INPP5B: variants seen among roughly 807,000 people sequenced by gnomAD.
INPP5B encodes the protein inositol polyphosphate-5-phosphatase B.
INPP5B carries 90 observed loss-of-function variants against 118.5 expected under a neutral mutation model. The observed-to-expected ratio is 0.76, with a 90% CI of 0.64 to 0.90. The LOEUF (loss-of-function observed/expected upper bound fraction) is 0.90, where lower values mean the gene tolerates loss of function less well. Ranked by LOEUF, INPP5B falls within the 40% of genes least tolerant of loss-of-function variation. INPP5B has a pLI of 0.00. For missense variants in INPP5B, 984 were observed against 1,125.6 expected (o/e 0.87, Z 1.80); for synonymous variants, 385 against 418.9 (o/e 0.92, Z 0.99).
chr1:37,943,258 T>C (rs1389965842), intron 5 of INPP5B, among the ~76,000 whole-genome samples: 1 of 152,066 alleles, frequency 6.6e-6, no homozygotes, highest in Non-Finnish European at 1.5e-5. Context: ...CCCAAAGTGC[T>C]GGGATTACAG....
At chr1:37,918,891 AT>A (rs1644961207) in intron 7 of INPP5B, among the ~76,000 whole-genome samples, 1 of 152,134 alleles carries the variant, frequency 6.6e-6, no homozygotes, top group South Asian at 2.1e-4. Context: ...GATGACTACC[AT>A]TTATCAAGTA....
At chr1:37,915,217 T>C (rs1644825389) in intron 7 of INPP5B, among the ~76,000 whole-genome samples, 2 of 152,164 alleles carry the variant, frequency 1.3e-5, no homozygotes, top group South Asian at 4.1e-4. Flanking sequence ...CCACAAGCCC[T>C]TATCTGAAGC....
intron 7 of INPP5B, among the ~76,000 whole-genome samples, chr1:37,892,464 TA>T: frequency 6.6e-6 from 1 of 152,156 alleles, no homozygotes; most frequent in East Asian, 1.9e-4. Flanking sequence ...CTCTGCTCTT[TA>T]AAAGCCAGAT....
intron 9 of INPP5B, among the ~76,000 whole-genome samples, chr1:37,889,095 T>C (rs1214622184): frequency 6.6e-6 from 1 of 152,094 alleles, no homozygotes; most frequent in Non-Finnish European, 1.5e-5. Flanking sequence ...TCTACAAAAA[T>C]TTAAAAATCA....
rs1643601500 is a variant in INPP5B at position 37,887,333 on chromosome 1, C to T, written c.1014+18G>A. On this transcript the variant is annotated intron_variant, in intron 11 of 23. Coordinates refer to ENST00000373024, the MANE Select transcript of INPP5B (RefSeq NM_005540.3). ...GCATGGCAACATAAAATTAAGAGGTCCCTGACTCCTCTCTTACCTTTGCAT... is the reference window on the plus strand; with the variant it reads ...GCATGGCAACATAAAATTAAGAGGTTCCTGACTCCTCTCTTACCTTTGCAT... The T allele has an allele frequency of 7.1e-7, 1 of 1,399,452 alleles. No homozygotes were observed. Among genetic ancestry groups the T allele is most frequent in the African/African-American group, 1.4e-5 (1 of 69,964 alleles). The allele number at this position is 1,399,452 out of a possible 1,614,324, so 86.7% of individuals were successfully genotyped here. A position where few individuals can be genotyped will look rare whatever the true frequency, so the allele number is the denominator to read the frequency against.
At chr1:37,945,934 C>T (rs1646095995) in intron 2 of INPP5B, 84 bp from the exon 3 acceptor site, 1 of 1,253,970 alleles carries the variant, frequency 8.0e-7, no homozygotes, top group African/African-American at 1.5e-5. Context: ...TGTTCCCCTG[C>T]CCCCCCAGAT....
chr1:37,945,217 G>C (rs1247951428), intron 3 of INPP5B, among the ~76,000 whole-genome samples: 1 of 152,176 alleles, frequency 6.6e-6, no homozygotes, highest in Non-Finnish European at 1.5e-5. Context: ...GATAACTTGA[G>C]GTCAGGACTT....
rs185150592 is a variant in INPP5B at position 37,879,420 on chromosome 1, A to T, written c.1541+665T>A. Among the ~76,000 whole-genome samples, 5 of 152,184 alleles carry T rather than the reference A, an allele frequency of 3.3e-5. No individual in the cohort carries two copies. In the East Asian group the frequency reaches 9.7e-4, roughly 29 times the overall value. On this transcript the variant is annotated intron_variant, in intron 15 of 23. Coordinates refer to ENST00000373024, the MANE Select transcript of INPP5B (RefSeq NM_005540.3). Reference sequence around the variant, plus strand: ...TCTCATAAAATGAGGTTAATAAATCATACCTACTTCAACAGGTTCTTGAGG... The same window carrying T: ...TCTCATAAAATGAGGTTAATAAATCTTACCTACTTCAACAGGTTCTTGAGG...
chr1:37,891,267 T>G, intron 8 of INPP5B, 91 bp downstream of exon 8: 1 of 828,540 alleles, frequency 1.2e-6, no homozygotes, highest in Non-Finnish European at 1.9e-6. Flanking sequence ...CCAGCTACCC[T>G]GGGACAACTT....
At chr1:37,942,438 A>C (rs774823814) in intron 5 of INPP5B, among the ~76,000 whole-genome samples, 3 of 152,050 alleles carry the variant, frequency 2.0e-5, no homozygotes, top group African/African-American at 4.8e-5. Context: ...TGTCTCAAAC[A>C]AAAAAGAGAA....
rs1481055845 is a variant in INPP5B at position 37,935,837 on chromosome 1, C to G, written c.392-3784G>C. On this transcript the variant is annotated intron_variant, in intron 6 of 23. Transcript: ENST00000373024. ...ATCCCAGCACTTTGGAAGGCCAAGGCGGGCGGATCACGAGGTCAGGAGATC... is the reference window on the plus strand; with the variant it reads ...ATCCCAGCACTTTGGAAGGCCAAGGGGGGCGGATCACGAGGTCAGGAGATC... 8.6e-5 allele frequency among the ~76,000 whole-genome samples: 13 copies of G among 151,904 alleles called. No individual in the cohort carries two copies. In the East Asian group the frequency reaches 2.4e-3, roughly 27 times the overall value.
intron 7 of INPP5B, among the ~76,000 whole-genome samples, chr1:37,902,799 C>G (rs1356865995): frequency 6.6e-6 from 1 of 151,970 alleles, no homozygotes; most frequent in African/African-American, 2.4e-5. Context: ...CTCAGGCGAT[C>G]GACCCACCTC....
At chr1:37,880,423 T>TTTTATTTA (rs71278742) in intron 14 of INPP5B, among the ~76,000 whole-genome samples, 14,223 of 149,794 alleles carry the variant, frequency 0.095, 768 homozygotes, top group Admixed American at 0.12. Flanking sequence ...GTTTTTAATG[T>TTTTATTTA]TTTATTTATT....
intron 14 of INPP5B, among the ~76,000 whole-genome samples, chr1:37,881,288 G>A (rs914368416): frequency 1.3e-5 from 2 of 152,098 alleles, no homozygotes; most frequent in Admixed American, 6.6e-5. Context: ...TACCTCATAG[G>A]GTCTTTAGAA....
At chr1:37,883,771 C>G in intron 13 of INPP5B, 1 of 985,358 alleles carries the variant, frequency 1.0e-6, no homozygotes, top group Non-Finnish European at 1.2e-6. Context: ...TCCAGAACAC[C>G]AAAATGCTCC....
intron 7 of INPP5B, among the ~76,000 whole-genome samples, chr1:37,894,234 C>CA (rs1165938636): frequency 6.6e-6 from 1 of 152,162 alleles, no homozygotes; most frequent in Non-Finnish European, 1.5e-5. Context: ...TGCACTTCAC[C>CA]AACTCCTGCT....
At chr1:37,904,360 G>C (rs1644433280) in intron 7 of INPP5B, among the ~76,000 whole-genome samples, 2 of 152,020 alleles carry the variant, frequency 1.3e-5, no homozygotes, top group Admixed American at 1.3e-4. Flanking sequence ...AGAAGTCACG[G>C]GAATGTGGAT....
At chr1:37,919,860 T>C (rs1644994622) in intron 7 of INPP5B, among the ~76,000 whole-genome samples, 1 of 152,058 alleles carries the variant, frequency 6.6e-6, no homozygotes, top group Non-Finnish European at 1.5e-5. Context: ...CAAGAATCAC[T>C]TGACCCAGGA....
chr1:37,882,955 A>G, intron 13 of INPP5B, 37 bp from the exon 14 acceptor site: 4 of 1,613,352 alleles, frequency 2.5e-6, no homozygotes, highest in Non-Finnish European at 2.5e-6. Context: ...AGGGTTTAGG[A>G]GGAACTTTAA....
Sources: gnomAD v4.1 joint callset for allele counts (sites outside exome capture counted in the v4.1 genomes callset) on GRCh38, gnomAD v4.1.1 for gene constraint, MANE v1.5 for transcripts, NCBI Gene and HGNC (gene_info 2026-07-23, HGNC 2026-07-21) for gene names.